The following DNAJC6 variants were observed in gnomAD, a reference collection of about 807,000 sequenced individuals.
DNAJC6 encodes the protein auxilin.
A neutral mutation model predicts 110.0 loss-of-function variants in DNAJC6; 34 were observed. That is an observed-to-expected ratio of 0.31 (90% CI 0.24 to 0.41). DNAJC6 has a LOEUF of 0.41. Among genes scored for constraint, DNAJC6 ranks in the 10% least tolerant of loss-of-function variants. DNAJC6 has a pLI of 1.00. For synonymous variants in DNAJC6, 406 were observed against 437.2 expected (o/e 0.93, Z 0.89); for missense variants, 1,031 against 1,207.8 (o/e 0.85, Z 2.17).
chr1:65,315,126 C>T (rs1645137020), intron 1 of DNAJC6, among the ~76,000 whole-genome samples: 1 of 152,144 alleles, frequency 6.6e-6, no homozygotes, highest in African/African-American at 2.4e-5. Flanking sequence ...ATCCTTCTTT[C>T]ACATGGTAGC....
intron 1 of DNAJC6, among the ~76,000 whole-genome samples, chr1:65,352,466 T>C (rs1002122356): frequency 6.6e-6 from 1 of 152,228 alleles, no homozygotes; most frequent in African/African-American, 2.4e-5. Context: ...GCCTGCCTGC[T>C]TGCACGAATT....
At chr1:65,398,719 G>C (rs1004530570) in intron 13 of DNAJC6, 94 bp from the exon 14 acceptor site, 14 of 1,293,948 alleles carry the variant, frequency 1.1e-5, no homozygotes, top group East Asian at 4.8e-5. Context: ...GGCCATGCAG[G>C]CTTCAGGGAT....
At chr1:65,335,762 A>G (rs1050559296) in intron 1 of DNAJC6, among the ~76,000 whole-genome samples, 6 of 152,186 alleles carry the variant, frequency 3.9e-5, no homozygotes, top group African/African-American at 1.4e-4. Flanking sequence ...CTTGTAGGCC[A>G]TTGCGCGAGC....
chr1:65,350,951 C>T (rs188717736), intron 1 of DNAJC6, among the ~76,000 whole-genome samples: 1 of 152,288 alleles, frequency 6.6e-6, no homozygotes, highest in Admixed American at 6.5e-5. Flanking sequence ...TATTTACAGC[C>T]CAGACCTCAG....
Position 65,389,314 on chromosome 1 carries a change from C to T in DNAJC6, c.1252C>T (p.Leu418=), listed in dbSNP as rs374833232. ...EKYPQLFQVT[L]DVELQPHDKV... is the part of the protein sequence containing the mutation. ...ATATCCTCAGCTATTTCAGGTGACA[C>T]TGGATGTAGAACTACAGCCCCATGA... The change falls in exon 10 of 19, where the codon CTG becomes TTG. Residue 418 remains leucine (L), a synonymous_variant. Coordinates refer to ENST00000371069, the MANE Select transcript of DNAJC6 (RefSeq NM_001256864.2). 11 of 1,614,018 alleles carry T rather than the reference C, an allele frequency of 6.8e-6. No individual in the cohort carries two copies. The Admixed American group carries it at 1.0e-4, about 15-fold the overall frequency.
At chr1:65,349,049 TA>T (rs535941578) in intron 1 of DNAJC6, among the ~76,000 whole-genome samples, 207 of 143,548 alleles carry the variant, frequency 1.4e-3, no homozygotes, top group Admixed American at 3.0e-3. Context: ...AATGCATATA[TA>T]AAAATATATA....
intron 1 of DNAJC6, among the ~76,000 whole-genome samples, chr1:65,316,357 G>A (rs1052399601): frequency 6.6e-5 from 10 of 152,098 alleles, no homozygotes; most frequent in African/African-American, 2.4e-4. Context: ...CATTCTTCAG[G>A]GTTTAGCTCA....
At chr1:65,331,068 T>C (rs1425460252) in intron 1 of DNAJC6, among the ~76,000 whole-genome samples, 6 of 152,238 alleles carry the variant, frequency 3.9e-5, no homozygotes, top group Non-Finnish European at 2.9e-5. Context: ...CTGGGAAATG[T>C]AGTCTTTTAT....
At chr1:65,325,013 A>C (rs1406680090) in intron 1 of DNAJC6, among the ~76,000 whole-genome samples, 1 of 152,190 alleles carries the variant, frequency 6.6e-6, no homozygotes, top group African/African-American at 2.4e-5. Context: ...AATGGTACTT[A>C]GTGGTCGGCC....
upstream of DNAJC6, among the ~76,000 whole-genome samples, chr1:65,307,308 C>T (rs1326607116): frequency 1.3e-5 from 2 of 151,550 alleles, no homozygotes; most frequent in African/African-American, 4.8e-5. Context: ...AATAGTTATC[C>T]TGATTGACTT....
At chr1:65,269,539 A>AAAAAATTTTT (rs1653439243) in intron 1 of DNAJC6, among the ~76,000 whole-genome samples, 1 of 152,180 alleles carries the variant, frequency 6.6e-6, no homozygotes, top group South Asian at 2.1e-4. Flanking sequence ...AATAAGTGTA[A>AAAAAATTTTT]AAAAATTTTT....
At chr1:65,388,059 C>T (rs949764916) in intron 8 of DNAJC6, among the ~76,000 whole-genome samples, 3 of 152,136 alleles carry the variant, frequency 2.0e-5, no homozygotes, top group Admixed American at 6.5e-5. Flanking sequence ...ACAGGGCATC[C>T]TGGGTAGAAG....
intron 1 of DNAJC6, among the ~76,000 whole-genome samples, chr1:65,280,229 C>A (rs1216981675): frequency 6.6e-6 from 1 of 152,102 alleles, no homozygotes; most frequent in Non-Finnish European, 1.5e-5. Flanking sequence ...CATTCATTGT[C>A]CCGTCTCTTA....
intron 18 of DNAJC6, among the ~76,000 whole-genome samples, chr1:65,412,323 T>C (rs898871530): frequency 6.6e-6 from 1 of 152,224 alleles, no homozygotes; most frequent in Non-Finnish European, 1.5e-5. Flanking sequence ...AAGTGAGTCA[T>C]CTTGCTGTCA....
chr1:65,309,302 C>T (rs1317376219), upstream of DNAJC6, among the ~76,000 whole-genome samples: 1 of 151,100 alleles, frequency 6.6e-6, no homozygotes, highest in Admixed American at 6.6e-5. Flanking sequence ...ACGAACCTCC[C>T]CTCCCTTCCT....
intron 4 of DNAJC6, among the ~76,000 whole-genome samples, chr1:65,369,317 C>G (rs1379645249): frequency 6.6e-6 from 1 of 152,178 alleles, no homozygotes; most frequent in Non-Finnish European, 1.5e-5. Flanking sequence ...GCCTACATCT[C>G]TTTTCAAACT....
chr1:65,295,218 T>G (rs1350559087), intron 1 of DNAJC6, among the ~76,000 whole-genome samples: 1 of 152,236 alleles, frequency 6.6e-6, no homozygotes, highest in Non-Finnish European at 1.5e-5. Flanking sequence ...GGAGTGCATC[T>G]GGGTCTCCTG....
intron 1 of DNAJC6, among the ~76,000 whole-genome samples, chr1:65,364,293 A>G (rs1446131418): frequency 6.6e-6 from 1 of 151,956 alleles, no homozygotes; most frequent in African/African-American, 2.4e-5. Context: ...TTTTGCACCA[A>G]GCCTTTGGAA....
chr1:65,278,904 G>A (rs1480271676), intron 1 of DNAJC6: 2 of 933,672 alleles, frequency 2.1e-6, no homozygotes, highest in South Asian at 4.9e-5. Context: ...GGAGCTGGGC[G>A]ACATTCTCAG....
Sources: gnomAD v4.1 joint callset for allele counts (sites outside exome capture counted in the v4.1 genomes callset) on GRCh38, gnomAD v4.1.1 for gene constraint, MANE v1.5 for transcripts, NCBI Gene and HGNC (gene_info 2026-07-23, HGNC 2026-07-21) for gene names.